The following ZNF536 variants were observed in gnomAD, a reference collection of about 807,000 sequenced individuals.
ZNF536 encodes zinc finger protein 536.
In ZNF536, 13 loss-of-function variants were observed where a neutral mutation model predicts 84.5. The observed-to-expected ratio is 0.15, with a 90% CI of 0.10 to 0.24. The LOEUF (loss-of-function observed/expected upper bound fraction) is 0.24. Ranked by LOEUF, ZNF536 falls within the 10% of genes least tolerant of loss-of-function variation. ZNF536 has a pLI of 1.00. For missense variants in ZNF536, 1,536 were observed against 1,747.5 expected, an observed-to-expected ratio of 0.88 and a Z score of 2.16; for synonymous variants, 811 against 742.5, an observed-to-expected ratio of 1.09 and a Z score of -1.50.
At chr19:30,622,969 T>C (rs1483333717) in intron 1 of ZNF536, among the ~76,000 whole-genome samples, 1 of 151,390 alleles carries the variant, frequency 6.6e-6, no homozygotes, top group Non-Finnish European at 1.5e-5. Flanking sequence ...CTTTTATCTC[T>C]GTTAACAGCA....
At chr19:30,365,488 G>A (rs748701049) in intron 3 of ZNF536, among the ~76,000 whole-genome samples, 13 of 152,270 alleles carry the variant, frequency 8.5e-5, no homozygotes, top group Non-Finnish European at 1.3e-4. Flanking sequence ...CAGCTTTGGT[G>A]GGGGGAAGAT....
At chr19:30,518,984 G>T (rs767679243) in intron 2 of ZNF536, among the ~76,000 whole-genome samples, 1 of 152,206 alleles carries the variant, frequency 6.6e-6, no homozygotes, top group Non-Finnish European at 1.5e-5. Flanking sequence ...CTGGTGGTGC[G>T]TGCAGAGCAT....
chr19:30,535,995 C>T (rs931869667), intron 3 of ZNF536, among the ~76,000 whole-genome samples: 2 of 152,088 alleles, frequency 1.3e-5, no homozygotes, highest in African/African-American at 4.8e-5. Context: ...TCCCTGACAC[C>T]GAGGGAAGCC....
At chr19:30,376,646 G>C (rs2048829106) in intron 1 of ZNF536, among the ~76,000 whole-genome samples, 1 of 152,168 alleles carries the variant, frequency 6.6e-6, no homozygotes, top group Admixed American at 6.5e-5. Context: ...AGTGAGCTCA[G>C]GGCCTTTGCA....
chr19:30,391,961 T>G (rs2049608199), intron 1 of ZNF536, among the ~76,000 whole-genome samples: 2 of 152,134 alleles, frequency 1.3e-5, no homozygotes, highest in Non-Finnish European at 2.9e-5. Flanking sequence ...GCCTCCACTT[T>G]GAATAAGGAT....
At chr19:30,536,397 C>T (rs1329926609) in intron 3 of ZNF536, among the ~76,000 whole-genome samples, 1 of 152,182 alleles carries the variant, frequency 6.6e-6, no homozygotes, top group East Asian at 1.9e-4. Context: ...CTCACATCCC[C>T]TGCAATTATC....
intron 1 of ZNF536, among the ~76,000 whole-genome samples, chr19:30,631,146 C>T (rs1174035031): frequency 6.6e-6 from 1 of 152,206 alleles, no homozygotes; most frequent in East Asian, 1.9e-4. Flanking sequence ...CCTGTAGCCC[C>T]TCGGAAGCAA....
intron 2 of ZNF536, among the ~76,000 whole-genome samples, chr19:30,302,307 G>A (rs1054231519): frequency 6.6e-6 from 1 of 152,174 alleles, no homozygotes; most frequent in Non-Finnish European, 1.5e-5. Context: ...GCCAGGTGGG[G>A]AACGTGCTGG....
At chr19:30,409,774 G>A (rs958745121) in intron 1 of ZNF536, among the ~76,000 whole-genome samples, 7 of 152,180 alleles carry the variant, frequency 4.6e-5, no homozygotes, top group Middle Eastern at 3.4e-3. Flanking sequence ...GTGGTACACC[G>A]TACTAATTTT....
chr19:30,430,919 A>G (rs1600699963), intron 1 of ZNF536, among the ~76,000 whole-genome samples: 1 of 152,128 alleles, frequency 6.6e-6, no homozygotes, highest in African/African-American at 2.4e-5. Flanking sequence ...CAAGTGATCC[A>G]CCTGCCTTGG....
At chr19:30,594,254 C>T (rs1303124748) in intron 1 of ZNF536, among the ~76,000 whole-genome samples, 1 of 152,198 alleles carries the variant, frequency 6.6e-6, no homozygotes, top group Non-Finnish European at 1.5e-5. Flanking sequence ...AGCATCTGTC[C>T]ATACACGGCC....
intron 2 of ZNF536, among the ~76,000 whole-genome samples, chr19:30,498,454 G>A (rs548699016): frequency 6.6e-6 from 1 of 152,170 alleles, no homozygotes; most frequent in Non-Finnish European, 1.5e-5. Flanking sequence ...GGGGTGGGGG[G>A]ACGGAGAGCA....
At chr19:30,300,266 C>A (rs553729961) in intron 2 of ZNF536, among the ~76,000 whole-genome samples, 25 of 152,290 alleles carry the variant, frequency 1.6e-4, no homozygotes, top group Middle Eastern at 3.4e-3. Context: ...AGGAATCTTA[C>A]ATTCACACAG....
At chr19:30,561,769 C>T (rs1057031173), downstream of ZNF536, among the ~76,000 whole-genome samples, 1 of 150,648 alleles carries the variant, frequency 6.6e-6, no homozygotes, top group Admixed American at 6.6e-5. Flanking sequence ...CTCCAGCCCA[C>T]CTGATGGCCA....
intron 2 of ZNF536, among the ~76,000 whole-genome samples, chr19:30,287,764 T>G (rs1189361776): frequency 1.6e-4 from 17 of 107,412 alleles, no homozygotes; most frequent in South Asian, 6.2e-4. Flanking sequence ...ATGGATGGAT[T>G]GATGGATGGG....
In ZNF536 at chr19:30,451,259, C is replaced by T. The variant is rs558517272; in HGVS notation, c.2170+5527C>T. On this transcript the variant is annotated intron_variant, in intron 2 of 4. Coordinates refer to ENST00000355537, the MANE Select transcript of ZNF536 (RefSeq NM_014717.3). ...GTCTGTCCACTTGGGACGCCCTGCT[C>T]GTGCCGGGATCGCCGTTGCTCTCAG... Among the ~76,000 whole-genome samples the T allele has an allele frequency of 1.6e-3, 242 of 152,360 alleles. 1 individual carries two copies. The highest frequency in any genetic ancestry group is 5.5e-3 in the African/African-American group (230 of 41,600).
chr19:30,546,394 C>T (rs1341634870), intron 3 of ZNF536, among the ~76,000 whole-genome samples: 1 of 152,210 alleles, frequency 6.6e-6, no homozygotes, highest in Non-Finnish European at 1.5e-5. Flanking sequence ...CTAAGGGCCA[C>T]CTCTGAAAAA....
At chr19:30,577,405 C>T (rs2046778429) in intron 1 of ZNF536, among the ~76,000 whole-genome samples, 1 of 152,058 alleles carries the variant, frequency 6.6e-6, no homozygotes, top group Non-Finnish European at 1.5e-5. Flanking sequence ...GAAGTCAGTT[C>T]ATTAGTTAGT....
At chr19:30,385,854 C>T (rs1335508591) in intron 1 of ZNF536, among the ~76,000 whole-genome samples, 1 of 152,164 alleles carries the variant, frequency 6.6e-6, no homozygotes, top group African/African-American at 2.4e-5. Flanking sequence ...CTTTGGGTCC[C>T]CAGCTGGGTG....
Sources: gnomAD v4.1 joint callset for allele counts (sites outside exome capture counted in the v4.1 genomes callset) on GRCh38, gnomAD v4.1.1 for gene constraint, MANE v1.5 for transcripts, NCBI Gene and HGNC (gene_info 2026-07-23, HGNC 2026-07-21) for gene names.